The following WWC1 variants were observed in gnomAD, a reference collection of about 807,000 sequenced individuals.
WWC1 encodes the protein protein KIBRA.
WWC1 carries 55 observed loss-of-function variants against 138.4 expected under a neutral mutation model. That is an observed-to-expected ratio of 0.40 (90% CI 0.32 to 0.50). The LOEUF is 0.50. WWC1 is among the 20% of genes least tolerant of loss of function. The pLI, the probability that WWC1 is intolerant of heterozygous loss-of-function variation, is 0.72. For synonymous variants in WWC1, 524 were observed against 564.9 expected (o/e 0.93, Z 1.03); for missense variants, 1,226 against 1,420.4 (o/e 0.86, Z 2.20).
chr5:168,385,124 T>C, intron 2 of WWC1, 87 bp from the exon 3 acceptor site: 1 of 1,420,604 alleles, frequency 7.0e-7, no homozygotes, highest in East Asian at 2.3e-5. Context: ...CATTTTGCTT[T>C]TTGTTTTCTG....
chr5:168,407,458 A>G (rs958255154), intron 6 of WWC1, among the ~76,000 whole-genome samples: 6 of 152,174 alleles, frequency 3.9e-5, no homozygotes, highest in Non-Finnish European at 7.4e-5. Flanking sequence ...TCACTGGCAG[A>G]TTAGGAGTCC....
intron 5 of WWC1, among the ~76,000 whole-genome samples, chr5:168,400,806 T>G (rs1291658000): frequency 7.2e-6 from 1 of 139,758 alleles, no homozygotes; most frequent in Non-Finnish European, 1.5e-5. Flanking sequence ...AGTGAGACCC[T>G]GTCTTGAAAG....
rs191930637 is a variant in WWC1, at chr5:168,461,987, C to T, written c.2916+1245C>T. On this transcript the variant is annotated intron_variant, in intron 20 of 22. Transcript: ENST00000265293. ...AGGAGAATTGCTTGAACCTGGGAGGCGGAGGTTGCAGTGAGCCGAGATCGC... is the reference window on the plus strand; with the variant it reads ...AGGAGAATTGCTTGAACCTGGGAGGTGGAGGTTGCAGTGAGCCGAGATCGC... 4.3e-3 allele frequency among the ~76,000 whole-genome samples: 649 copies of T among 150,702 alleles called. 3 individuals carry two copies. Among genetic ancestry groups the T allele is most frequent in the Non-Finnish European group, 7.1e-3 (479 of 67,830 alleles).
chr5:168,442,523 G>C (rs1306445550), intron 16 of WWC1, among the ~76,000 whole-genome samples: 1 of 150,898 alleles, frequency 6.6e-6, no homozygotes. Context: ...CTTGGTAACT[G>C]TTCCATTGTG....
chr5:168,375,366 C>T (rs1434732893), intron 2 of WWC1, among the ~76,000 whole-genome samples: 5 of 151,914 alleles, frequency 3.3e-5, no homozygotes, highest in Admixed American at 6.6e-5. Context: ...AGAGAATTGC[C>T]GACAGTGTCG....
intron 15 of WWC1, among the ~76,000 whole-genome samples, chr5:168,433,611 C>T (rs1782114563): frequency 1.3e-5 from 2 of 152,184 alleles, no homozygotes; most frequent in South Asian, 2.1e-4. Context: ...GATCTTGGCT[C>T]ACTGAAACCT....
At chr5:168,466,942 A>G (rs1027491447) in intron 21 of WWC1, among the ~76,000 whole-genome samples, 4 of 152,126 alleles carry the variant, frequency 2.6e-5, no homozygotes, top group African/African-American at 4.8e-5. Flanking sequence ...ATTAGCATCT[A>G]TGACTTCTAA....
At chr5:168,336,691 A>G (rs1165461666) in intron 1 of WWC1, among the ~76,000 whole-genome samples, 10 of 151,566 alleles carry the variant, frequency 6.6e-5, no homozygotes. Context: ...CACTGACTCC[A>G]CCGTAGGGAA....
At chr5:168,386,807 G>C (rs749808869) in intron 3 of WWC1, among the ~76,000 whole-genome samples, 1 of 151,950 alleles carries the variant, frequency 6.6e-6, no homozygotes, top group Non-Finnish European at 1.5e-5. Flanking sequence ...GAGCCACCAC[G>C]TCCAGCTAAG....
chr5:168,423,148 C>CGA (rs373732656), intron 10 of WWC1, among the ~76,000 whole-genome samples: 1 of 106,910 alleles, frequency 9.4e-6, no homozygotes, highest in Non-Finnish European at 1.8e-5. Flanking sequence ...CCATCCCCCC[C>CGA]CAAAAAAAAA....
chr5:168,383,773 A>G (rs920148825), intron 2 of WWC1, among the ~76,000 whole-genome samples: 3 of 152,154 alleles, frequency 2.0e-5, no homozygotes, highest in Non-Finnish European at 2.9e-5. Flanking sequence ...TGATTTTACA[A>G]TTTCTGGCTT....
chr5:168,421,838 A>G (rs1433151001), intron 9 of WWC1, among the ~76,000 whole-genome samples, 170 bp from the exon 10 acceptor site: 1 of 152,188 alleles, frequency 6.6e-6, no homozygotes, highest in African/African-American at 2.4e-5. Flanking sequence ...GGTGAGTGAT[A>G]TTGCAGTTAT....
In WWC1 at chr5:168,340,182, T is replaced by C. The variant is rs372579000; in HGVS notation, c.120-31242T>C. Among the ~76,000 whole-genome samples, 20 of 152,026 alleles carry C rather than the reference T, an allele frequency of 1.3e-4. No homozygotes were observed. The East Asian group carries it at 3.5e-3, about 26-fold the overall frequency. On this transcript the variant is annotated intron_variant, in intron 1 of 22. Coordinates refer to ENST00000265293, the MANE Select transcript of WWC1 (RefSeq NM_015238.3). ...CCTCCACCTCCCGGGTTCAAGTGAG[T>C]CTCCTGCCTCAGCCTCCCAAGTAGC...
rs1034235209 is a variant in WWC1 at position 168,439,587 on chromosome 5, A to G, written c.2281-2095A>G. ...GGTTGTGGTGAGCCAAGACCATGCC[A>G]TTGCACTCCAGCAGCCTCGGCAACA... is the stretch of plus-strand genomic sequence containing the variant. On this transcript the variant is annotated intron_variant, in intron 15 of 22. Transcript: ENST00000265293. Among the ~76,000 whole-genome samples, 57 of 151,048 alleles carry G rather than the reference A, an allele frequency of 3.8e-4. No homozygotes were observed. In the South Asian group the frequency reaches 3.8e-3, roughly 10 times the overall value.
chr5:168,321,891 G>A (rs1274559381), intron 1 of WWC1, among the ~76,000 whole-genome samples: 5 of 152,104 alleles, frequency 3.3e-5, no homozygotes, highest in South Asian at 2.1e-4. Context: ...TTAATACCTC[G>A]TGTTATTTCT....
chr5:168,381,975 C>G (rs879291428), intron 2 of WWC1, among the ~76,000 whole-genome samples: 1 of 151,960 alleles, frequency 6.6e-6, no homozygotes, highest in Non-Finnish European at 1.5e-5. Context: ...TGTGTACCCT[C>G]TGATCTAGTA....
intron 3 of WWC1, among the ~76,000 whole-genome samples, chr5:168,394,932 A>G (rs908845426): frequency 6.6e-6 from 1 of 152,238 alleles, no homozygotes; most frequent in Non-Finnish European, 1.5e-5. Flanking sequence ...CAAAAGGATA[A>G]GTAGCAGGCT....
intron 4 of WWC1, among the ~76,000 whole-genome samples, chr5:168,398,404 C>T (rs1779071036): frequency 6.6e-6 from 1 of 152,100 alleles, no homozygotes; most frequent in African/African-American, 2.4e-5. Context: ...CAAGCTGTCA[C>T]CTGCATTTTA....
At chr5:168,375,767 G>T (rs182048231) in intron 2 of WWC1, among the ~76,000 whole-genome samples, 1 of 152,044 alleles carries the variant, frequency 6.6e-6, no homozygotes, top group African/African-American at 2.4e-5. Flanking sequence ...TGGAGACAGG[G>T]TTTCACCTTG....
Sources: allele counts gnomAD v4.1 joint callset (sites outside exome capture counted in the v4.1 genomes callset), GRCh38; gene constraint gnomAD v4.1.1; transcripts MANE v1.5; gene names NCBI Gene and HGNC (gene_info 2026-07-23, HGNC 2026-07-21).